The following ENTPD6 variants were observed in gnomAD, a reference collection of about 807,000 sequenced individuals.
The protein encoded by ENTPD6 is CD39 antigen-like 2.
ENTPD6 carries 46 observed loss-of-function variants against 61.5 expected under a neutral mutation model. The observed-to-expected ratio is 0.75, with a 90% CI of 0.59 to 0.96. The LOEUF (loss-of-function observed/expected upper bound fraction) is 0.96. ENTPD6 is among the 40% of genes least tolerant of loss of function. The probability of loss-of-function intolerance (pLI) is 0.00; values close to 1 mark genes in which losing one functional copy is unlikely to be tolerated. For synonymous variants in ENTPD6, 252 were observed against 255.5 expected, an observed-to-expected ratio of 0.99 and a Z score of 0.13; for missense variants, 612 against 629.0, an observed-to-expected ratio of 0.97 and a Z score of 0.29.
rs113478019 is a variant in ENTPD6, at chr20:25,196,655, G to A, written c.-16+788G>A. ...AAGCCACACATCCCACGTCACACAG[G>A]ATACGGGGAAGTCAGCCATAGCCTG... is the stretch of plus-strand genomic sequence containing the variant. On this transcript the variant is annotated intron_variant, in intron 1 of 14. Transcript: ENST00000376652. Among the ~76,000 whole-genome samples, 597 of 152,320 alleles carry A rather than the reference G, an allele frequency of 3.9e-3. 2 individuals carry two copies. The highest frequency in any genetic ancestry group is 0.014 in the African/African-American group (575 of 41,564).
At chr20:25,213,210 G>A in intron 4 of ENTPD6, 53 bp from the exon 5 acceptor site, 1 of 1,611,690 alleles carries the variant, frequency 6.2e-7, no homozygotes. Flanking sequence ...CAGCACGTGT[G>A]ACCCTGTATG....
intron 1 of ENTPD6, 126 bp downstream of exon 1, chr20:25,195,993 C>T: frequency 1.2e-6 from 1 of 869,052 alleles, no homozygotes; most frequent in South Asian, 5.8e-5. Context: ...CGGGTCCCAC[C>T]TCCTGCTGCC....
At position 25,227,267 on chromosome 20, in the gene ENTPD6, TCCTC is replaced by T. The variant is rs1261677322; in HGVS notation, c.*1677_*1680del. Reference sequence around the variant, plus strand: ...ACAAAAGACAAAAAGAGGAACAGTTTCCTCCCTCCCGCCTGGGCTGGGTCCCCAC... The same window carrying T: ...ACAAAAGACAAAAAGAGGAACAGTTTCCTCCCGCCTGGGCTGGGTCCCCAC... On this transcript the variant is annotated 3_prime_UTR_variant, in exon 15 of 15. Transcript: ENST00000376652. Among the ~76,000 whole-genome samples, 1 of 152,198 alleles carries T rather than the reference TCCTC, an allele frequency of 6.6e-6. No individual in the cohort carries two copies. Among genetic ancestry groups the T allele is most frequent in the Non-Finnish European group, 1.5e-5 (1 of 68,042 alleles).
At chr20:25,222,380 C>T (rs553397568) in intron 11 of ENTPD6, 253 of 162,732 alleles carry the variant, frequency 1.6e-3, no homozygotes, top group Non-Finnish European at 2.2e-3. Flanking sequence ...CATTGGCCTC[C>T]GGGGTCCTCT....
At chr20:25,209,195 C>T (rs900158297) in intron 3 of ENTPD6, among the ~76,000 whole-genome samples, 3 of 151,784 alleles carry the variant, frequency 2.0e-5, no homozygotes, top group Admixed American at 6.6e-5. Context: ...CTGCAAGCTC[C>T]GCCCCCCGGG....
intron 1 of ENTPD6, among the ~76,000 whole-genome samples, chr20:25,204,577 C>T (rs947184335): frequency 3.9e-5 from 6 of 152,264 alleles, no homozygotes; most frequent in Non-Finnish European, 4.4e-5. Context: ...CCCAGGTATG[C>T]GTGGGGCTAT....
intron 10 of ENTPD6, among the ~76,000 whole-genome samples, chr20:25,219,733 C>T (rs1018943275): frequency 6.6e-6 from 1 of 152,204 alleles, no homozygotes; most frequent in Non-Finnish European, 1.5e-5. Context: ...CTTACCTCAG[C>T]CCCCAGCGCC....
chr20:25,215,563 G>T (rs144274705), intron 6 of ENTPD6, 113 bp from the exon 7 acceptor site: 8 of 1,040,854 alleles, frequency 7.7e-6, no homozygotes, highest in Non-Finnish European at 1.2e-5. Flanking sequence ...GGTGTAGTGC[G>T]GAAGTGATCC....
At chr20:25,213,968 G>A (rs899473954) in intron 5 of ENTPD6, among the ~76,000 whole-genome samples, 5 of 152,252 alleles carry the variant, frequency 3.3e-5, no homozygotes, top group Middle Eastern at 3.4e-3. Context: ...AAATAAAAGC[G>A]CATGGTGCCT....
At chr20:25,208,979 C>A (rs904163280) in intron 3 of ENTPD6, among the ~76,000 whole-genome samples, 4 of 151,894 alleles carry the variant, frequency 2.6e-5, no homozygotes, top group Non-Finnish European at 4.4e-5. Context: ...TACAGTGGTG[C>A]GATCTTGGCT....
At chr20:25,206,685 G>C in intron 2 of ENTPD6, 95 bp downstream of exon 2, 4 of 916,946 alleles carry the variant, frequency 4.4e-6, no homozygotes, top group Non-Finnish European at 7.3e-6. Context: ...AGGATTGAAA[G>C]ACTGAATCAG....
At chr20:25,222,514 A>C in intron 11 of ENTPD6, 4 of 256,784 alleles carry the variant, frequency 1.6e-5, no homozygotes, top group East Asian at 8.9e-5. Flanking sequence ...CGGAGGGGGA[A>C]TGTAGGGCAG....
At position 25,225,166 on chromosome 20, in the gene ENTPD6, G is replaced by A. The variant is rs544589648; in HGVS notation, c.1244-39G>A. 1.3e-4 allele frequency: 212 copies of A among 1,588,036 alleles called. No individual in the cohort carries two copies. In the South Asian group the frequency reaches 1.6e-3, roughly 12 times the overall value. ...CACTTGCCCCTCCGCCCCCAGGTGG[G>A]AGTCACCTGGAGCGTGAAGGGACGT... On this transcript the variant is annotated intron_variant, in intron 13 of 14. Coordinates refer to ENST00000376652, the MANE Select transcript of ENTPD6 (RefSeq NM_001247.5).
At chr20:25,223,082 C>T in intron 12 of ENTPD6, 104 bp downstream of exon 12, 1 of 1,329,464 alleles carries the variant, frequency 7.5e-7, no homozygotes, top group Non-Finnish European at 1.0e-6. Flanking sequence ...GGCAAGCAAC[C>T]CTGTTGTCAC....
intron 1 of ENTPD6, among the ~76,000 whole-genome samples, chr20:25,197,965 C>A (rs772958445): frequency 6.6e-6 from 1 of 152,146 alleles, no homozygotes; most frequent in Non-Finnish European, 1.5e-5. Flanking sequence ...CAGACAGTTC[C>A]GTTTACACAC....
Position 25,222,840 on chromosome 20 carries a change from G to A in ENTPD6, c.1048G>A (p.Ala350Thr). 1 of 1,613,698 alleles carries A rather than the reference G, an allele frequency of 6.2e-7. No homozygotes were observed. The highest frequency in any genetic ancestry group is 8.5e-7 in the Non-Finnish European group (1 of 1,179,938). Residue 350 changes from alanine to threonine, a missense_variant and splice_region_variant, in exon 12 of 15, where the codon GCA (alanine) becomes ACA (threonine). Transcript: ENST00000376652. ...TYRVSGQKAA[A>T]SLHELCAARV... is the part of the protein sequence containing the mutation. ...GCTAGCCTTGTGCTTGTCCCCAGCG[G>A]CAAGCCTGCACGAGCTGTGTGCTGC... is the stretch of plus-strand genomic sequence containing the variant.
intron 4 of ENTPD6, among the ~76,000 whole-genome samples, chr20:25,210,749 C>T (rs768555670): frequency 1.3e-5 from 2 of 152,188 alleles, no homozygotes; most frequent in Non-Finnish European, 2.9e-5. Context: ...CGAGACCAAG[C>T]TGGTCAACAT....
At chr20:25,221,455 C>T (rs901479832) in intron 11 of ENTPD6, 122 bp downstream of exon 11, 3 of 763,756 alleles carry the variant, frequency 3.9e-6, no homozygotes, top group Non-Finnish European at 4.7e-6. Context: ...CTTTGAAGAG[C>T]CTGTACCTGC....
At chr20:25,205,993 C>G (rs754248006) in intron 1 of ENTPD6, among the ~76,000 whole-genome samples, 1 of 152,252 alleles carries the variant, frequency 6.6e-6, no homozygotes, top group Non-Finnish European at 1.5e-5. Context: ...GCCATGCTGT[C>G]CTTGGTTCCA....
Sources: gnomAD v4.1 joint callset for allele counts (sites outside exome capture counted in the v4.1 genomes callset) on GRCh38, gnomAD v4.1.1 for gene constraint, MANE v1.5 for transcripts, NCBI Gene and HGNC (gene_info 2026-07-23, HGNC 2026-07-21) for gene names.